VAMP7: variants seen among roughly 807,000 people sequenced by gnomAD.
VAMP7 encodes the protein vesicle-associated membrane protein 7.
VAMP7 carries 14 observed loss-of-function variants against 29.6 expected under a neutral mutation model. The ratio of observed to expected loss-of-function variants is 0.47; its 90% confidence interval spans 0.31 to 0.74. The LOEUF is 0.74. Among genes scored for constraint, VAMP7 ranks in the 30% least tolerant of loss-of-function variants. The pLI is 0.05. For missense variants in VAMP7, 223 were observed against 262.4 expected, an observed-to-expected ratio of 0.85 and a Z score of 1.04; for synonymous variants, 95 against 88.1, an observed-to-expected ratio of 1.08 and a Z score of -0.44.
intron 5 of VAMP7, 36 bp downstream of exon 5, chrX:155,900,623 A>G: frequency 6.5e-7 from 1 of 1,545,258 alleles, no homozygotes; most frequent in Non-Finnish European, 8.8e-7. Context: ...CATGTGGGCA[A>G]AAATGATAAA....
At position 155,935,961 on chromosome X, in the gene VAMP7, G is replaced by T. The variant is rs1266983623; in HGVS notation, c.502-3740G>T. On this transcript the variant is annotated intron_variant, in intron 6 of 7. Coordinates refer to ENST00000286448, the MANE Select transcript of VAMP7 (RefSeq NM_005638.6). ...CAGGTCTGTTGGAGTTTGTCGGAGG[G>T]CCACTCCAGACCCTGTTTGCCTGGG... Among the ~76,000 whole-genome samples the T allele has an allele frequency of 3.9e-5, 6 of 152,218 alleles. No homozygotes were observed. The East Asian group carries it at 9.7e-4, about 25-fold the overall frequency.
intron 3 of VAMP7, among the ~76,000 whole-genome samples, chrX:155,897,341 A>G (rs1440867355): frequency 6.6e-6 from 1 of 152,160 alleles, no homozygotes; most frequent in Non-Finnish European, 1.5e-5. Flanking sequence ...TGAAAGGGAA[A>G]TGACTGTCAA....
At chrX:155,889,762 T>C in intron 2 of VAMP7, 150 bp downstream of exon 2, 1 of 783,056 alleles carries the variant, frequency 1.3e-6, no homozygotes, top group Non-Finnish European at 1.9e-6. Context: ...AAAATATATC[T>C]GGTTTTGTTA....
In VAMP7 at chrX:155,935,346, G is replaced by A. The variant is rs1194353056; in HGVS notation, c.502-4355G>A. 7.2e-5 allele frequency among the ~76,000 whole-genome samples: 11 copies of A among 152,174 alleles called. No homozygotes were observed. In the South Asian group the frequency reaches 8.3e-4, roughly 11 times the overall value. Reference sequence around the variant, plus strand: ...TCACTTTCAGGTACACCAATCAGACGTAGATTTGGTCTTTTCACATAGTCC... The same window carrying A: ...TCACTTTCAGGTACACCAATCAGACATAGATTTGGTCTTTTCACATAGTCC... On this transcript the variant is annotated intron_variant, in intron 6 of 7. Transcript: ENST00000286448.
chrX:155,904,880 G>A (rs1022093766), intron 5 of VAMP7, among the ~76,000 whole-genome samples: 10 of 140,530 alleles, frequency 7.1e-5, no homozygotes, highest in Non-Finnish European at 1.2e-4. Context: ...ACAAGTTTTT[G>A]TGTGAGCATA....
At chrX:155,928,278 A>G (rs2066499666) in intron 6 of VAMP7, among the ~76,000 whole-genome samples, 1 of 152,146 alleles carries the variant, frequency 6.6e-6, no homozygotes, top group African/African-American at 2.4e-5. Context: ...CTTTTTATAT[A>G]TGGTTATTAG....
Position 155,942,211 on chromosome X carries a change from TA to T in VAMP7, c.*261del. 6.7e-7 allele frequency: 1 copy of T among 1,503,142 alleles called. No homozygotes were observed. Among genetic ancestry groups the T allele is most frequent in the Non-Finnish European group, 8.9e-7 (1 of 1,122,764 alleles). The allele number at this position is 1,503,142 out of a possible 1,614,324, so 93.1% of individuals were successfully genotyped here. ...TTGTTTATTTCTTTGGTTTGTTAAC[TA>T]GTGTCATCTATTTAGAGAAACATTT... On this transcript the variant is annotated 3_prime_UTR_variant, in exon 8 of 8. Transcript: ENST00000286448.
chrX:155,939,741 C>A lies in VAMP7; in HGVS notation c.542C>A (p.Ala181Asp). 1 of 1,613,876 alleles carries A rather than the reference C, an allele frequency of 6.2e-7. No homozygotes were observed. The highest frequency in any genetic ancestry group is 8.5e-7 in the Non-Finnish European group (1 of 1,179,844). Residue 181 changes from alanine (A) to aspartate (D), a missense_variant, in exon 7 of 8, where the codon GCC becomes GAC. Coordinates refer to ENST00000286448, the MANE Select transcript of VAMP7 (RefSeq NM_005638.6). The part of the protein sequence containing the change: ...FKTTSRNLAR[A>D]MCMKNLKLTI... ...ACTACCAGCAGAAATCTTGCTCGAG[C>A]CATGTGTATGAAGAACCTCAAGCTC...
At chrX:155,935,846 C>A (rs1247703472) in intron 6 of VAMP7, among the ~76,000 whole-genome samples, 1 of 151,984 alleles carries the variant, frequency 6.6e-6, no homozygotes, top group Non-Finnish European at 1.5e-5. Flanking sequence ...TACCTTTGGT[C>A]TTTGATGATG....
chrX:155,941,797 TTAA>T, intron 7 of VAMP7, 83 bp from the exon 8 acceptor site: 1 of 1,409,082 alleles, frequency 7.1e-7, no homozygotes, highest in Non-Finnish European at 9.5e-7. Context: ...GAAGTATTTC[TTAA>T]TAAGGCTCTA....
chrX:155,929,513 A>C (rs1400061938), intron 6 of VAMP7, among the ~76,000 whole-genome samples: 1 of 151,998 alleles, frequency 6.6e-6, no homozygotes, highest in East Asian at 1.9e-4. Context: ...GGGCCTGATA[A>C]ATTTTATATA....
Position 155,911,034 on chromosome X carries a change from C to A in VAMP7, c.434-8779C>A, listed in dbSNP as rs760986787. Among the ~76,000 whole-genome samples the A allele has an allele frequency of 6.6e-5, 10 of 152,114 alleles. No homozygotes were observed. In the South Asian group the frequency reaches 2.1e-3, roughly 32 times the overall value. On this transcript the variant is annotated intron_variant, in intron 5 of 7. Transcript: ENST00000286448. ...CCTAGAGCAGTGTTCTGAAGTGTTT[C>A]CCCTATGTTTTCTTCTAGTAGGTTT...
intron 6 of VAMP7, among the ~76,000 whole-genome samples, chrX:155,929,418 G>C (rs2066515751): frequency 6.6e-6 from 1 of 152,160 alleles, no homozygotes; most frequent in African/African-American, 2.4e-5. Flanking sequence ...GAGGCAGCTA[G>C]TCAGCAACAA....
intron 1 of VAMP7, among the ~76,000 whole-genome samples, chrX:155,881,796 T>C (rs2065805092): frequency 6.6e-6 from 1 of 152,150 alleles, no homozygotes; most frequent in South Asian, 2.1e-4. Context: ...TACGTCCTTG[T>C]TCGATGACGT....
chrX:155,910,480 G>C (rs1459484618), intron 5 of VAMP7, among the ~76,000 whole-genome samples: 1 of 152,016 alleles, frequency 6.6e-6, no homozygotes, highest in African/African-American at 2.4e-5. Flanking sequence ...CCAGTAGTAG[G>C]ATTGCTGGAT....
At chrX:155,929,341 C>T (rs1243843959) in intron 6 of VAMP7, among the ~76,000 whole-genome samples, 1 of 152,154 alleles carries the variant, frequency 6.6e-6, no homozygotes, top group Non-Finnish European at 1.5e-5. Flanking sequence ...ATTAAAATAG[C>T]ATAAGCTATT....
intron 6 of VAMP7, among the ~76,000 whole-genome samples, chrX:155,935,488 G>A (rs1159488686): frequency 6.6e-6 from 1 of 151,832 alleles, no homozygotes; most frequent in Non-Finnish European, 1.5e-5. Flanking sequence ...CCAGTTGTTC[G>A]AATCGGCTAC....
rs374448760 is a variant in VAMP7, at chrX:155,900,542, C to G, written c.388C>G (p.Gln130Glu). The G allele has an allele frequency of 5.0e-6, 8 of 1,611,070 alleles. No homozygotes were observed. The highest frequency in any genetic ancestry group is 5.1e-6 in the Non-Finnish European group (6 of 1,178,300). Residue 130 changes from glutamine (Q) to glutamate (E), a missense_variant, in exon 5 of 8, where the codon CAA becomes GAA. Gln to Glu is a conservative substitution (Grantham distance 29, BLOSUM62 2). Coordinates refer to ENST00000286448, the MANE Select transcript of VAMP7 (RefSeq NM_005638.6). ...NKGLDKVMET[Q>E]AQVDELKGIM... ...GGGCCTAGACAAAGTGATGGAGACT[C>G]AAGCCCAAGTGGATGAACTGAAAGG... is the stretch of plus-strand genomic sequence containing the variant.
At chrX:155,887,782 A>C (rs2065881732) in intron 1 of VAMP7, among the ~76,000 whole-genome samples, 1 of 151,858 alleles carries the variant, frequency 6.6e-6, no homozygotes, top group East Asian at 1.9e-4. Flanking sequence ...AAATACAAAA[A>C]TAGCCGGACA....
Sources: gnomAD v4.1 joint callset for allele counts (sites outside exome capture counted in the v4.1 genomes callset) on GRCh38, gnomAD v4.1.1 for gene constraint, MANE v1.5 for transcripts, NCBI Gene and HGNC (gene_info 2026-07-23, HGNC 2026-07-21) for gene names.